The following LHX4 variants were observed in gnomAD, a reference collection of about 807,000 sequenced individuals.
LHX4 encodes the protein LIM homeobox 4.
Under a neutral mutation model 39.2 loss-of-function variants are expected in LHX4, and 16 were observed. The ratio of observed to expected loss-of-function variants is 0.41; its 90% CI spans 0.28 to 0.62. The LOEUF (loss-of-function observed/expected upper bound fraction) is 0.62, where lower values mean the gene tolerates loss of function less well. Ranked by LOEUF, LHX4 falls within the 20% of genes least tolerant of loss-of-function variation. LHX4 has a pLI of 0.33. For missense variants in LHX4, 439 were observed against 511.9 expected, an observed-to-expected ratio of 0.86 and a Z score of 1.37; for synonymous variants, 206 against 198.1, an observed-to-expected ratio of 1.04 and a Z score of -0.33.
In LHX4 at chr1:180,266,284, C is replaced by T. The variant is rs1200861098; in HGVS notation, c.249-108C>T. 1.1e-5 allele frequency: 12 copies of T among 1,044,362 alleles called. No individual in the cohort carries two copies. Among genetic ancestry groups the T allele is most frequent in the Admixed American group, 5.2e-5 (3 of 57,856 alleles). The allele number at this position is 1,044,362 out of a possible 1,614,324, so 64.7% of individuals were successfully genotyped here. A position where few individuals can be genotyped will look rare whatever the true frequency, so the allele number is the denominator to read the frequency against. The stretch of plus-strand genomic sequence containing the variant: ...CTCTGGGTGACTGGGGGGTGAGGCT[C>T]ATGGAGTCCCGGAGTGGTGGGGTAG... On this transcript the variant is annotated intron_variant, in intron 2 of 5. Coordinates refer to ENST00000263726, the MANE Select transcript of LHX4 (RefSeq NM_033343.4). This position sits in a 1 kb window ranked among gnomAD's most constrained non-coding sequence, Gnocchi z 5.7.
At position 180,275,569 on chromosome 1, in the gene LHX4, G is replaced by GGAGTT. The variant is rs1398107598; in HGVS notation, c.*992_*996dup. The GGAGTT allele has an allele frequency of 1.3e-5, 2 of 152,222 alleles. No homozygotes were observed. Among genetic ancestry groups the GGAGTT allele is most frequent in the Non-Finnish European group, 2.9e-5 (2 of 68,062 alleles). The allele number at this position is 152,222 out of a possible 1,614,324, so 9.4% of individuals were successfully genotyped here. On this transcript the variant is annotated 3_prime_UTR_variant, in exon 6 of 6. Transcript: ENST00000263726. ...TGAAATATTTGGAGTCTGTTTTGAA[G>GGAGTT]GAGTTGGTTTAGATGAGCTTGCAAG...
chr1:180,274,864 AGG>A lies in LHX4; in HGVS notation c.*288_*289del. ...GGGTCTCTCCCCTGCTGTTCTGCTT[AGG>A]GGCTTGGCTGCTCAGTGCTTTGGTA... On this transcript the variant is annotated 3_prime_UTR_variant, in exon 6 of 6. Coordinates refer to ENST00000263726, the MANE Select transcript of LHX4 (RefSeq NM_033343.4). 2.9e-6 allele frequency: 1 copy of A among 339,834 alleles called. No individual in the cohort carries two copies. Among genetic ancestry groups the A allele is most frequent in the Non-Finnish European group, 5.4e-6 (1 of 186,062 alleles). The allele number at this position is 339,834 out of a possible 1,614,324, so 21.1% of individuals were successfully genotyped here.
chr1:180,274,031 G>C (rs1571299590), intron 5 of LHX4, 154 bp from the exon 6 acceptor site: 2 of 852,942 alleles, frequency 2.3e-6, no homozygotes, highest in South Asian at 3.0e-5. Flanking sequence ...TGGATATCAG[G>C]CTGCCATATT....
intron 1 of LHX4, among the ~76,000 whole-genome samples, chr1:180,231,777 T>C (rs1020594570): frequency 1.3e-5 from 2 of 152,070 alleles, no homozygotes; most frequent in Non-Finnish European, 2.9e-5. Context: ...GGTGACTACC[T>C]ACAAACTAGG....
At chr1:180,255,911 G>GT (rs1647835618) in intron 2 of LHX4, among the ~76,000 whole-genome samples, 1 of 152,372 alleles carries the variant, frequency 6.6e-6, no homozygotes, top group South Asian at 2.1e-4. Flanking sequence ...CATCTGGGCT[G>GT]TGGAAACGGG....
chr1:180,270,291 A>G (rs1267450359), intron 3 of LHX4: 1 of 152,306 alleles, frequency 6.6e-6, no homozygotes, highest in East Asian at 1.9e-4. Context: ...TTGAATGGAA[A>G]GAAAGGAGAA....
At chr1:180,257,505 G>A (rs1341370258) in intron 2 of LHX4, among the ~76,000 whole-genome samples, 2 of 152,176 alleles carry the variant, frequency 1.3e-5, no homozygotes, top group Non-Finnish European at 2.9e-5. Flanking sequence ...TCTGTGTCTG[G>A]AGAAGGCTGC....
chr1:180,249,498 A>T (rs944913288), intron 2 of LHX4, among the ~76,000 whole-genome samples: 15 of 152,252 alleles, frequency 9.9e-5, no homozygotes, highest in South Asian at 8.3e-4. Flanking sequence ...CAGTCACACC[A>T]GCCTGGGTGG....
Position 180,266,393 on chromosome 1 carries a change from C to A in LHX4, c.250C>A (p.Arg84Ser). 1 of 1,614,070 alleles carries A rather than the reference C, an allele frequency of 6.2e-7. No homozygotes were observed. Among genetic ancestry groups the A allele is most frequent in the Middle Eastern group, 1.7e-4 (1 of 6,058 alleles). The change falls in exon 3 of 6, where the codon CGC (arginine) becomes AGC (serine). Residue 84 changes from arginine to serine, a missense_variant and splice_region_variant. By Grantham distance (110) the Arg-to-Ser change is moderately radical (BLOSUM62 -1). Transcript: ENST00000263726. The surrounding 1 kb of genome is among the most constrained non-coding windows in gnomAD (Gnocchi z 5.7). ...AATCCTTTCCTGCTGCCCTGACAGG[C>A]GCTTCGGCACAAAATGCACGGCCTG... ...SVYCKEDFFKRFGTKCTACQQ... is the reference protein window; with the variant it reads ...SVYCKEDFFKSFGTKCTACQQ...
At position 180,276,393 on chromosome 1, in the gene LHX4, C is replaced by G. The variant is rs865840340; in HGVS notation, c.*1814C>G. The G allele has an allele frequency of 1.3e-5, 2 of 152,200 alleles. No individual in the cohort carries two copies. The highest frequency in any genetic ancestry group is 2.9e-5 in the Non-Finnish European group (2 of 68,040). 9.4% of individuals were successfully genotyped at this position (152,200 alleles called of 1,614,324 possible). On this transcript the variant is annotated 3_prime_UTR_variant, in exon 6 of 6. Coordinates refer to ENST00000263726, the MANE Select transcript of LHX4 (RefSeq NM_033343.4). ...AAATTCCGGGATCAGCCTTCGGGCC[C>G]TCTTCTCTGACCAATTTTATAGCGT...
intron 1 of LHX4, among the ~76,000 whole-genome samples, chr1:180,233,359 G>A (rs1423460271): frequency 6.6e-6 from 1 of 152,174 alleles, no homozygotes; most frequent in African/African-American, 2.4e-5. Flanking sequence ...CCCCGGTGCG[G>A]GCCTCGTCGC....
At position 180,230,878 on chromosome 1, in the gene LHX4, T is replaced by C. The variant is rs1205209755; in HGVS notation, c.76+273T>C. ...CAGCCCAAGGCTTTTCTTGGAACGCTGGGGAGAGTGCTGTTTGGGGACACC... is the reference window on the plus strand; with the variant it reads ...CAGCCCAAGGCTTTTCTTGGAACGCCGGGGAGAGTGCTGTTTGGGGACACC... On this transcript the variant is annotated intron_variant, in intron 1 of 5. Coordinates refer to ENST00000263726, the MANE Select transcript of LHX4 (RefSeq NM_033343.4). This position sits in a 1 kb window ranked among gnomAD's most constrained non-coding sequence, Gnocchi z 5.8. 6.6e-6 allele frequency among the ~76,000 whole-genome samples: 1 copy of C among 152,164 alleles called. No individual in the cohort carries two copies. The highest frequency in any genetic ancestry group is 1.5e-5 in the Non-Finnish European group (1 of 68,020).
chr1:180,244,352 G>T (rs1647305682), intron 1 of LHX4, among the ~76,000 whole-genome samples: 1 of 152,168 alleles, frequency 6.6e-6, no homozygotes, highest in South Asian at 2.1e-4. Context: ...AGGCCTCTCT[G>T]TGAGGACTTC....
At chr1:180,272,406 C>T (rs1226348382) in intron 5 of LHX4, among the ~76,000 whole-genome samples, 2 of 152,194 alleles carry the variant, frequency 1.3e-5, no homozygotes, top group East Asian at 3.9e-4. Flanking sequence ...CCCCTAGAGC[C>T]ACCCCTTCCT....
intron 2 of LHX4, among the ~76,000 whole-genome samples, chr1:180,250,893 G>A (rs1394657005): frequency 6.6e-6 from 1 of 152,180 alleles, no homozygotes; most frequent in Non-Finnish European, 1.5e-5. Context: ...GATCCCCACA[G>A]GCCTATGAGC....
At chr1:180,244,449 G>C (rs943109865) in intron 1 of LHX4, among the ~76,000 whole-genome samples, 1 of 152,022 alleles carries the variant, frequency 6.6e-6, no homozygotes, top group Non-Finnish European at 1.5e-5. Flanking sequence ...TTTTAGTGTT[G>C]TTCCTCAATG....
chr1:180,274,145 C>T, intron 5 of LHX4, 40 bp from the exon 6 acceptor site: 4 of 1,613,430 alleles, frequency 2.5e-6, no homozygotes, highest in Non-Finnish European at 3.4e-6. Flanking sequence ...CCATCAGAGT[C>T]CTGGCAGCTG....
chr1:180,262,636 T>C (rs2149261899), intron 2 of LHX4, among the ~76,000 whole-genome samples: 1 of 149,798 alleles, frequency 6.7e-6, no homozygotes, highest in Admixed American at 6.7e-5. Flanking sequence ...AATCTTTAGG[T>C]ACTTAAAGTT....
chr1:180,235,817 C>T (rs540583833), intron 1 of LHX4, among the ~76,000 whole-genome samples: 27 of 152,348 alleles, frequency 1.8e-4, no homozygotes, highest in African/African-American at 5.5e-4. Context: ...GCACGAGAGG[C>T]CGCGGCTGGA....
Sources: allele counts gnomAD v4.1 joint callset (sites outside exome capture counted in the v4.1 genomes callset), GRCh38; gene constraint gnomAD v4.1.1; non-coding constraint Gnocchi (gnomAD v3.1); transcripts MANE v1.5; gene names NCBI Gene and HGNC (gene_info 2026-07-23, HGNC 2026-07-21).